The following CUL2 variants were observed in gnomAD, a reference collection of about 807,000 sequenced individuals.
CUL2 encodes the protein cullin 2.
A neutral mutation model predicts 110.2 loss-of-function variants in CUL2; 22 were observed. The ratio of observed to expected loss-of-function variants is 0.20; its 90% CI spans 0.14 to 0.28. CUL2 has a LOEUF of 0.28. CUL2 is among the 10% of genes least tolerant of loss of function. The probability of loss-of-function intolerance (pLI) is 1.00; values close to 1 mark genes in which losing one functional copy is unlikely to be tolerated. For synonymous variants in CUL2, 279 were observed against 293.2 expected, an observed-to-expected ratio of 0.95 and a Z score of 0.49; for missense variants, 631 against 905.5, an observed-to-expected ratio of 0.70 and a Z score of 3.89.
intron 1 of CUL2, among the ~76,000 whole-genome samples, chr10:35,080,282 G>A (rs1465471370): frequency 2.0e-5 from 3 of 151,962 alleles, no homozygotes; most frequent in Non-Finnish European, 4.4e-5. Flanking sequence ...TGTATCAAAT[G>A]AGCAAGCCAC....
chr10:35,029,697 GGTT>G (rs2085434112), intron 14 of CUL2, 57 bp from the exon 15 acceptor site: 2 of 1,303,378 alleles, frequency 1.5e-6, no homozygotes, highest in African/African-American at 3.0e-5. Context: ...AAGTCATATT[GGTT>G]AATAATAATG....
At chr10:35,125,974 C>T (rs1326577170) in intron 1 of CUL2, among the ~76,000 whole-genome samples, 1 of 152,158 alleles carries the variant, frequency 6.6e-6, no homozygotes, top group South Asian at 2.1e-4. Flanking sequence ...GGACTACAGG[C>T]GTCTGCCACC....
intron 5 of CUL2, among the ~76,000 whole-genome samples, chr10:35,050,333 A>C (rs2086070476): frequency 6.6e-6 from 1 of 152,146 alleles, no homozygotes; most frequent in Admixed American, 6.5e-5. Flanking sequence ...AAAAAAAAAA[A>C]AAAAACTTAA....
chr10:35,093,616 G>A (rs2087246867), upstream of CUL2, among the ~76,000 whole-genome samples: 1 of 134,270 alleles, frequency 7.4e-6, no homozygotes, highest in Non-Finnish European at 1.5e-5. Flanking sequence ...CCAAGATCAC[G>A]CCATACTGCA....
chr10:35,068,704 A>T (rs1564736326), intron 2 of CUL2, among the ~76,000 whole-genome samples: 1 of 152,220 alleles, frequency 6.6e-6, no homozygotes, highest in African/African-American at 2.4e-5. Context: ...CATATTTGAA[A>T]CAATGTGGAG....
At chr10:35,054,142 T>A (rs1589007943) in intron 5 of CUL2, among the ~76,000 whole-genome samples, 1 of 152,218 alleles carries the variant, frequency 6.6e-6, no homozygotes, top group Non-Finnish European at 1.5e-5. Context: ...CCTGCACTTT[T>A]TAACTACAGG....
At chr10:35,096,073 C>A (rs1023251134) in intron 2 of CUL2, among the ~76,000 whole-genome samples, 18 of 151,668 alleles carry the variant, frequency 1.2e-4, no homozygotes, top group African/African-American at 4.4e-4. Flanking sequence ...TATGGTCAGA[C>A]CCTATCTCTA....
chr10:35,110,762 C>T (rs1430491885), intron 1 of CUL2, among the ~76,000 whole-genome samples: 3 of 152,038 alleles, frequency 2.0e-5, no homozygotes, highest in Non-Finnish European at 4.4e-5. Flanking sequence ...GTGCATGCAT[C>T]CCTCGTATCC....
At chr10:35,058,455 C>T (rs898699755) in intron 4 of CUL2, among the ~76,000 whole-genome samples, 6 of 152,160 alleles carry the variant, frequency 3.9e-5, no homozygotes, top group African/African-American at 1.4e-4. Flanking sequence ...GTAAATCCTC[C>T]CATAACACAA....
chr10:35,090,433 TC>T (rs1257942063), upstream of CUL2: 1 of 149,308 alleles, frequency 6.7e-6, no homozygotes, highest in African/African-American at 2.5e-5. Flanking sequence ...CACTCACCTG[TC>T]TCCGCGAGGA....
In CUL2 at chr10:35,071,327, G is replaced by A. The variant is rs748725559; in HGVS notation, c.-10C>T. The A allele has an allele frequency of 7.4e-6, 12 of 1,610,846 alleles. No homozygotes were observed. The highest frequency in any genetic ancestry group is 5.0e-5 in the Admixed American group (3 of 59,684). ...TTGGTTTCAAAGACATTGTGCAAGT[G>A]TAGTGTTGAAATCTGTCAATTAAAA... On this transcript the variant is annotated 5_prime_UTR_variant, in exon 2 of 21. Transcript: ENST00000374749.
At position 35,010,292 on chromosome 10, in the gene CUL2, A is replaced by T. The variant is rs778469755; in HGVS notation, c.*19T>A. 38 of 1,584,430 alleles carry T rather than the reference A, an allele frequency of 2.4e-5. No homozygotes were observed. The highest frequency in any genetic ancestry group is 5.8e-5 in the South Asian group (5 of 86,760). On this transcript the variant is annotated 3_prime_UTR_variant, in exon 21 of 21. Transcript: ENST00000374749. ...GTGATGGCAATGATCTTCTCACACC[A>T]CGCTGGAGGAGAGCGACATCACGCG... is the stretch of plus-strand genomic sequence containing the variant.
rs58779572 is a variant in CUL2 at position 35,025,202 on chromosome 10, T to TAAAAAAAAAA, written c.1618-14_1618-5dup. 8.0e-7 allele frequency: 1 copy of TAAAAAAAAAA among 1,246,508 alleles called. No homozygotes were observed. The highest frequency in any genetic ancestry group is 1.1e-6 in the Non-Finnish European group (1 of 929,030). The allele number at this position is 1,246,508 out of a possible 1,614,324, so 77.2% of individuals were successfully genotyped here. ...GTTGGCTATAAAATAATTCAAACTGTAAAAAAAAAAAAAAAACACACATTA... is the reference window on the plus strand; with the variant it reads ...GTTGGCTATAAAATAATTCAAACTGTAAAAAAAAAAAAAAAAAAAAAAAAAACACACATTA... On this transcript the variant is annotated splice_polypyrimidine_tract_variant and splice_region_variant and intron_variant, in intron 16 of 20. Coordinates refer to ENST00000374749, the MANE Select transcript of CUL2 (RefSeq NM_003591.4).
rs2087524985 is a variant in CUL2 at position 35,111,626 on chromosome 10, G to A, written c.-50-10566C>T. On this transcript the variant is annotated intron_variant, in intron 1 of 5. Coordinates refer to the CUL2 transcript ENST00000685421. ...ATTCAGGCCAGGCGTGGTGGCTCAC[G>A]CCTGTAATACCAACACTTTGGGATG... Among the ~76,000 whole-genome samples the A allele has an allele frequency of 3.3e-5, 5 of 152,288 alleles. No homozygotes were observed. In the South Asian group the frequency reaches 1.0e-3, roughly 32 times the overall value.
chr10:35,046,891 T>TCAAAA (rs59042466), intron 6 of CUL2, among the ~76,000 whole-genome samples: 15,085 of 149,892 alleles, frequency 0.1, 935 homozygotes, highest in Non-Finnish European at 0.14. Flanking sequence ...AGACTCTGTC[T>TCAAAA]CAAAACAAAA....
At chr10:35,017,637 G>A (rs999047947) in intron 17 of CUL2, among the ~76,000 whole-genome samples, 29 of 150,508 alleles carry the variant, frequency 1.9e-4, no homozygotes, top group African/African-American at 6.9e-4. Context: ...AAGTTGCAGT[G>A]AGCCAAGATC....
At chr10:35,091,850 A>G (rs767569580), upstream of CUL2, among the ~76,000 whole-genome samples, 1 of 150,362 alleles carries the variant, frequency 6.7e-6, no homozygotes, top group Non-Finnish European at 1.5e-5. Context: ...CTGGTCTTGA[A>G]CTCCTGAGCT....
chr10:35,112,226 C>T (rs2087532091), intron 1 of CUL2, among the ~76,000 whole-genome samples: 4 of 152,226 alleles, frequency 2.6e-5, no homozygotes, highest in Admixed American at 2.6e-4. Flanking sequence ...TCTGCTGGAA[C>T]TCTGCTTTCA....
intron 1 of CUL2, among the ~76,000 whole-genome samples, chr10:35,120,922 C>T (rs1000297627): frequency 5.9e-5 from 9 of 152,030 alleles, no homozygotes; most frequent in Non-Finnish European, 1.0e-4. Flanking sequence ...AAAAAGAATG[C>T]TGAAAAATAA....
Sources: allele counts gnomAD v4.1 joint callset (sites outside exome capture counted in the v4.1 genomes callset), GRCh38; gene constraint gnomAD v4.1.1; transcripts MANE v1.5; gene names NCBI Gene and HGNC (gene_info 2026-07-23, HGNC 2026-07-21).